The following OTUD4 variants were observed in gnomAD, a reference collection of about 807,000 sequenced individuals.
The protein encoded by OTUD4 is OTU domain-containing protein 4.
OTUD4 carries 24 observed loss-of-function variants against 130.4 expected under a neutral mutation model. The ratio of observed to expected loss-of-function variants is 0.18; its 90% CI spans 0.13 to 0.26. OTUD4 has a LOEUF of 0.26. OTUD4 is among the 10% of genes least tolerant of loss of function. The pLI, the probability that OTUD4 is intolerant of heterozygous loss-of-function variation, is 1.00. For missense variants in OTUD4, 1,031 were observed against 1,329.4 expected (o/e 0.78, Z 3.49); for synonymous variants, 420 against 472.5 (o/e 0.89, Z 1.44).
rs200631508 is a variant in OTUD4, at chr4:145,138,131, G to C, written c.2644C>G (p.Leu882Val). The part of the protein sequence containing the change: ...ENPVMRQNIV[L>V]PSDEKGELDL... ...AATTCTCCTTTTTCATCAGAGGGCA[G>C]GACAATATTCTGCCTCATTACTGGA... is the stretch of plus-strand genomic sequence containing the variant. Residue 882 changes from leucine to valine, a missense_variant, in exon 21 of 21, where the codon CTG becomes GTG. By Grantham distance (32) the Leu-to-Val change is conservative. This residue lies in a region of OTUD4 where 900 missense variants were observed against 1,095.9 expected (regional missense o/e 0.82). Transcript: ENST00000447906. The C allele has an allele frequency of 5.0e-6, 8 of 1,613,902 alleles. No homozygotes were observed. In the East Asian group the frequency reaches 1.8e-4, roughly 36 times the overall value.
chr4:145,170,070 C>T (rs1384798286), intron 3 of OTUD4, among the ~76,000 whole-genome samples: 1 of 152,222 alleles, frequency 6.6e-6, no homozygotes, highest in Non-Finnish European at 1.5e-5. Context: ...ATAACCACTA[C>T]TCTGACTTCC....
chr4:145,161,657 G>A lies in OTUD4; in HGVS notation c.496+983C>T, dbSNP rs552192606. 2.6e-5 allele frequency among the ~76,000 whole-genome samples: 4 copies of A among 152,312 alleles called. No individual in the cohort carries two copies. The East Asian group carries it at 5.8e-4, about 22-fold the overall frequency. ...TATTATTGGTTGTCACAAAGGGAGA[G>A]AGAGTGTGTTACTGCCATCCACTAG... is the stretch of plus-strand genomic sequence containing the variant. On this transcript the variant is annotated intron_variant, in intron 6 of 20. Coordinates refer to ENST00000447906, the MANE Select transcript of OTUD4 (RefSeq NM_001366057.1).
At chr4:145,162,507 A>C in intron 6 of OTUD4, 133 bp downstream of exon 6, 2 of 477,130 alleles carry the variant, frequency 4.2e-6, no homozygotes, top group Non-Finnish European at 7.5e-6. Flanking sequence ...AGCGGAGATC[A>C]CGCCACTGCA....
rs373270757 is a variant in OTUD4 at position 145,138,093 on chromosome 4, C to T, written c.2682G>A (p.Leu894=). The stretch of plus-strand genomic sequence containing the variant: ...AATCTTTAGACAGATCCAGATTTTC[C>T]AGAGACAGATCCAATTCTCCTTTTT... The part of the protein sequence containing the change: ...SDEKGELDLS[L]ENLDLSKDCG... Residue 894 remains leucine (L), a synonymous_variant, in exon 21 of 21, where the codon CTG becomes CTA. Coordinates refer to ENST00000447906, the MANE Select transcript of OTUD4 (RefSeq NM_001366057.1). The T allele has an allele frequency of 1.9e-6, 3 of 1,614,096 alleles. No individual in the cohort carries two copies. The highest frequency in any genetic ancestry group is 1.3e-5 in the African/African-American group (1 of 75,054).
rs781658456 is a variant in OTUD4 at position 145,143,930 on chromosome 4, T to G, written c.1602+16A>C. The G allele has an allele frequency of 1.3e-6, 2 of 1,588,374 alleles. No homozygotes were observed. The highest frequency in any genetic ancestry group is 2.7e-5 in the African/African-American group (2 of 74,454). ...AAGGAAAAAGAAAAGATGCAAGTAG[T>G]GTTTAAAACTTTTACCTCCAATGTG... On this transcript the variant is annotated intron_variant, in intron 16 of 20. Transcript: ENST00000447906.
intron 10 of OTUD4, among the ~76,000 whole-genome samples, chr4:145,153,486 G>A (rs1387554261): frequency 6.6e-6 from 1 of 152,110 alleles, no homozygotes; most frequent in Non-Finnish European, 1.5e-5. Context: ...ATACCAACTT[G>A]CACACAGCAA....
Position 145,180,319 on chromosome 4 carries a change from A to C in OTUD4, c.-346T>G, listed in dbSNP as rs889897888. ...ACCCAGGCCGGGGGTCGCCGCCCCC[A>C]CAAGTTTCCTCCTCCGTACCGGTGT... On this transcript the variant is annotated 5_prime_UTR_variant, in exon 1 of 21. Transcript: ENST00000447906. Among the ~76,000 whole-genome samples, 2 of 151,632 alleles carry C rather than the reference A, an allele frequency of 1.3e-5. No homozygotes were observed. Among genetic ancestry groups the C allele is most frequent in the Admixed American group, 6.6e-5 (1 of 15,244 alleles).
chr4:145,169,018 G>A (rs1232747799), intron 3 of OTUD4, among the ~76,000 whole-genome samples: 1 of 152,170 alleles, frequency 6.6e-6, no homozygotes, highest in Non-Finnish European at 1.5e-5. Context: ...TTTCCAATAG[G>A]CTAAGTGAAA....
At chr4:145,162,985 A>T (rs946904226) in intron 5 of OTUD4, among the ~76,000 whole-genome samples, 2 of 152,210 alleles carry the variant, frequency 1.3e-5, no homozygotes, top group African/African-American at 4.8e-5. Context: ...ATATGAAAAC[A>T]TGCTTTCAAC....
intron 3 of OTUD4, chr4:145,170,960 C>T (rs1752133517): frequency 6.6e-6 from 1 of 152,156 alleles, no homozygotes; most frequent in African/African-American, 2.4e-5. Context: ...TCTGTCTCAA[C>T]AGTCTCTTCC....
At chr4:145,141,131 T>C (rs1320364699) in intron 19 of OTUD4, among the ~76,000 whole-genome samples, 2 of 141,158 alleles carry the variant, frequency 1.4e-5, no homozygotes, top group Non-Finnish European at 3.0e-5. Flanking sequence ...ATCACACCAC[T>C]GCACTCCAGC....
intron 10 of OTUD4, among the ~76,000 whole-genome samples, chr4:145,154,807 T>A (rs1000817377): frequency 2.0e-5 from 3 of 148,506 alleles, no homozygotes; most frequent in African/African-American, 7.5e-5. Context: ...GAATAAAAAA[T>A]GTCTCCAGAC....
chr4:145,165,014 G>C, intron 4 of OTUD4, 137 bp downstream of exon 4: 1 of 471,444 alleles, frequency 2.1e-6, no homozygotes, highest in Non-Finnish European at 3.8e-6. Context: ...TCTAATTGAT[G>C]CAATTAAAAA....
intron 6 of OTUD4, among the ~76,000 whole-genome samples, chr4:145,161,442 T>C (rs1180413633): frequency 2.6e-5 from 4 of 152,198 alleles, no homozygotes; most frequent in African/African-American, 9.7e-5. Context: ...TACCACTAGC[T>C]TAAGAGCAGA....
intron 4 of OTUD4, among the ~76,000 whole-genome samples, chr4:145,164,811 T>C (rs577590195): frequency 6.6e-6 from 1 of 152,266 alleles, no homozygotes; most frequent in Non-Finnish European, 1.5e-5. Context: ...GAATACCCAA[T>C]TTGTAACATG....
intron 13 of OTUD4, among the ~76,000 whole-genome samples, chr4:145,148,461 T>A (rs62345103): frequency 6.6e-6 from 1 of 150,402 alleles, no homozygotes; most frequent in South Asian, 2.1e-4. Context: ...ATCGCGCCAC[T>A]GCACTCCAGC....
intron 6 of OTUD4, among the ~76,000 whole-genome samples, chr4:145,160,727 C>T (rs868016829): frequency 5.3e-5 from 8 of 152,144 alleles, no homozygotes; most frequent in South Asian, 2.1e-4. Context: ...GCAGCAGAAT[C>T]GCTTGAACCC....
rs963834345 is a variant in OTUD4, at chr4:145,135,953, ATTTTC to A, written c.*1472_*1476del. 1 of 152,600 alleles carries A rather than the reference ATTTTC, an allele frequency of 6.6e-6. No homozygotes were observed. The highest frequency in any genetic ancestry group is 2.4e-5 in the African/African-American group (1 of 41,444). 9.5% of individuals were successfully genotyped at this position (152,600 alleles called of 1,614,324 possible). ...AGTTTGTCAAATTCAAGTGAATTGTATTTTCTTAAGTAATTTGCTTTACAAAAAAA... is the reference window on the plus strand; with the variant it reads ...AGTTTGTCAAATTCAAGTGAATTGTATTAAGTAATTTGCTTTACAAAAAAA... On this transcript the variant is annotated 3_prime_UTR_variant, in exon 21 of 21. Transcript: ENST00000447906.
chr4:145,144,485 T>C (rs1458920740), intron 14 of OTUD4, 51 bp from the exon 15 acceptor site: 2 of 1,551,140 alleles, frequency 1.3e-6, no homozygotes, highest in Non-Finnish European at 8.8e-7. Context: ...TACCCACAGA[T>C]ACATGAACAA....
Sources: gnomAD v4.1 joint callset for allele counts (sites outside exome capture counted in the v4.1 genomes callset) on GRCh38, gnomAD v4.1.1 for gene constraint, gnomAD v4.1.1 regional missense constraint, MANE v1.5 for transcripts, NCBI Gene and HGNC (gene_info 2026-07-23, HGNC 2026-07-21) for gene names.